SCRG1: variants seen among roughly 807,000 people sequenced by gnomAD.
SCRG1 encodes scrapie-responsive protein 1.
SCRG1 carries 3 observed loss-of-function variants against 7.7 expected under a neutral mutation model. The observed-to-expected ratio is 0.39, with a 90% confidence interval of 0.18 to 1.01. SCRG1 has a LOEUF of 1.01. SCRG1 is among the 50% of genes least tolerant of loss of function. The pLI, the probability that SCRG1 is intolerant of heterozygous loss-of-function variation, is 0.36. For synonymous variants in SCRG1, 46 were observed against 41.2 expected, an observed-to-expected ratio of 1.12 and a Z score of -0.44; for missense variants, 110 against 117.2, an observed-to-expected ratio of 0.94 and a Z score of 0.28.
chr4:173,433,217 T>TG, the SCRG1 span, among the ~76,000 whole-genome samples: 8 of 152,174 alleles, frequency 5.3e-5, no homozygotes, highest in African/African-American at 1.9e-4. Context: ...ATATGTGTGT[T>TG]GGGGGGAAAG....
At chr4:173,448,706 T>C in the SCRG1 span, among the ~76,000 whole-genome samples, 30 of 152,310 alleles carry the variant, frequency 2.0e-4, no homozygotes, top group African/African-American at 7.0e-4. Context: ...GGATTTTTTC[T>C]TACTTAACTC....
chr4:173,465,743 T>C, the SCRG1 span, among the ~76,000 whole-genome samples: 2 of 151,946 alleles, frequency 1.3e-5, no homozygotes, highest in East Asian at 1.9e-4. Context: ...TCAATGGTAA[T>C]AAATAAATTT....
the SCRG1 span, among the ~76,000 whole-genome samples, chr4:173,449,588 A>G: frequency 2.8e-3 from 432 of 152,246 alleles, 2 homozygotes; most frequent in African/African-American, 9.8e-3. Flanking sequence ...TTGAATAGCT[A>G]GAATGTCTCT....
chr4:173,499,877 A>G, the SCRG1 span, among the ~76,000 whole-genome samples: 2 of 152,256 alleles, frequency 1.3e-5, no homozygotes, highest in Non-Finnish European at 2.9e-5. The surrounding 1 kb of genome is among the most constrained non-coding windows in gnomAD (Gnocchi z 4.1). Context: ...CCAGGCCTTC[A>G]GAGACTACCA....
the SCRG1 span, among the ~76,000 whole-genome samples, chr4:173,492,380 T>A: frequency 1.3e-5 from 2 of 152,122 alleles, no homozygotes; most frequent in Non-Finnish European, 2.9e-5. Flanking sequence ...CGACCTCTCC[T>A]GGATTGGACT....
the SCRG1 span, among the ~76,000 whole-genome samples, chr4:173,498,542 A>G: frequency 6.6e-6 from 1 of 152,234 alleles, no homozygotes; most frequent in Non-Finnish European, 1.5e-5. Flanking sequence ...TTCCAAGTTT[A>G]ACATTCTCTG....
upstream of SCRG1, among the ~76,000 whole-genome samples, chr4:173,402,085 G>A (rs1739777814): frequency 6.6e-6 from 1 of 152,086 alleles, no homozygotes; most frequent in African/African-American, 2.4e-5. Context: ...CCCGCTTTAT[G>A]TTGCTCTGAA....
chr4:173,468,078 G>A, the SCRG1 span: 2 of 152,508 alleles, frequency 1.3e-5, no homozygotes, highest in Non-Finnish European at 2.9e-5. Flanking sequence ...CACTATATAC[G>A]AAGCATATAC....
the SCRG1 span, among the ~76,000 whole-genome samples, chr4:173,472,747 C>G: frequency 2.7e-4 from 41 of 152,134 alleles, no homozygotes; most frequent in African/African-American, 9.7e-4. Flanking sequence ...CCACATTAGG[C>G]AGGGAAATCT....
the SCRG1 span, among the ~76,000 whole-genome samples, chr4:173,414,825 T>G: frequency 6.6e-6 from 1 of 152,148 alleles, no homozygotes; most frequent in Non-Finnish European, 1.5e-5. Flanking sequence ...CTTCAAGCAC[T>G]CTCTCTTAGT....
chr4:173,401,279 T>C (rs1739755283), upstream of SCRG1, among the ~76,000 whole-genome samples: 2 of 152,246 alleles, frequency 1.3e-5, no homozygotes, highest in Admixed American at 6.5e-5. Context: ...CTGTGATTCT[T>C]ACTAAATAAA....
the SCRG1 span, among the ~76,000 whole-genome samples, chr4:173,514,937 G>A: frequency 6.6e-6 from 1 of 152,126 alleles, no homozygotes; most frequent in African/African-American, 2.4e-5. Context: ...TCCTTTTGCG[G>A]CAATAAACAG....
the SCRG1 span, among the ~76,000 whole-genome samples, chr4:173,507,590 C>G: frequency 4.6e-5 from 7 of 152,136 alleles, no homozygotes; most frequent in African/African-American, 1.7e-4. This position sits in a 1 kb window ranked among gnomAD's most constrained non-coding sequence, Gnocchi z 4.4. Context: ...CTTCCCACAT[C>G]TCCCCTACCT....
rs567769549 is a variant in SCRG1 at position 173,404,329 on chromosome 4, G to A, written c.-644C>T. ...CCTGCTCTCTGTGAGCCACAGAGTC[G>A]TCTCTCTTTTACTGTGTTTCCTCCG... On this transcript the variant is annotated 5_prime_UTR_variant and NMD_transcript_variant, in exon 2 of 9. Coordinates refer to the SCRG1 transcript ENST00000512188. 1.6e-4 allele frequency: 24 copies of A among 152,308 alleles called. No individual in the cohort carries two copies. The East Asian group carries it at 3.5e-3, about 22-fold the overall frequency. The allele number at this position is 152,308 out of a possible 1,614,324, so 9.4% of individuals were successfully genotyped here.
chr4:173,440,070 T>C, the SCRG1 span, among the ~76,000 whole-genome samples: 4 of 152,224 alleles, frequency 2.6e-5, no homozygotes, highest in African/African-American at 9.6e-5. Context: ...TTATGGTGTA[T>C]TTAAGCAAAC....
At chr4:173,509,639 G>C in the SCRG1 span, among the ~76,000 whole-genome samples, 1 of 152,104 alleles carries the variant, frequency 6.6e-6, no homozygotes, top group Admixed American at 6.5e-5. The surrounding 1 kb of genome is among the most constrained non-coding windows in gnomAD (Gnocchi z 5.7). Context: ...CCCTTCCGTC[G>C]GCCGGAACCC....
chr4:173,470,469 T>C, the SCRG1 span, among the ~76,000 whole-genome samples: 1 of 152,198 alleles, frequency 6.6e-6, no homozygotes, highest in Non-Finnish European at 1.5e-5. Context: ...TACATGGTTA[T>C]AAAGACTGTG....
the SCRG1 span, chr4:173,467,867 GATGGGGA>G: frequency 3.3e-5 from 5 of 152,228 alleles, no homozygotes; most frequent in African/African-American, 1.2e-4. Flanking sequence ...ATTACAAGAG[GATGGGGA>G]ATGAGATTTT....
rs1422645145 is a variant in SCRG1, at chr4:173,391,405, T to C, written c.10A>G (p.Met4Val). MKL[M>V]VLVFTIGLTL... The stretch of plus-strand genomic sequence containing the variant: ...AGCCCAATGGTGAAAACAAGTACCA[T>C]CAGTTTCATTTTGGCTTTTGGCCCT... Residue 4 changes from methionine (M) to valine (V), a missense_variant, in exon 2 of 3, where the codon ATG (methionine) becomes GTG (valine). Transcript: ENST00000296506. 6.2e-7 allele frequency: 1 copy of C among 1,614,146 alleles called. No individual in the cohort carries two copies.
Sources: gnomAD v4.1 joint callset for allele counts (sites outside exome capture counted in the v4.1 genomes callset) on GRCh38, gnomAD v4.1.1 for gene constraint, Gnocchi (gnomAD v3.1) non-coding constraint, MANE v1.5 for transcripts, NCBI Gene and HGNC (gene_info 2026-07-23, HGNC 2026-07-21) for gene names.